Variants in TTN observed in about 807,000 individuals in gnomAD.
The protein encoded by TTN is connectin.
TTN carries 1,525 observed loss-of-function variants against 3,223.0 expected under a neutral mutation model. The observed-to-expected ratio is 0.47, with a 90% CI of 0.45 to 0.49. The LOEUF is 0.49. TTN is among the 20% of genes least tolerant of loss of function. The pLI is 0.00. For missense variants in TTN, 40,786 were observed against 43,424.0 expected (o/e 0.94, Z 5.40); for synonymous variants, 14,094 against 15,161.0 (o/e 0.93, Z 5.17).
chr2:178,736,560 G>A (rs928062742), intron 49 of TTN, among the ~76,000 whole-genome samples: 1 of 152,080 alleles, frequency 6.6e-6, no homozygotes, highest in Admixed American at 6.6e-5. Flanking sequence ...AACTATGAAT[G>A]CATCCTCTAG....
Position 178,601,366 on chromosome 2 carries a change from A to G in TTN, c.55631T>C (p.Leu18544Pro). ...GSTTFVVPDLLSEQQYFFRVR... is the reference protein window; with the variant it reads ...GSTTFVVPDLPSEQQYFFRVR... ...ACGGAAGAAATATTGCTGTTCAGAG[A>G]GGAGATCAGGCACTACAAATGTGGT... Residue 18544 changes from leucine (L) to proline (P), a missense_variant, in exon 287 of 363, where the codon CTC becomes CCC. Coordinates refer to ENST00000589042, the MANE Select transcript of TTN (RefSeq NM_001267550.2). The G allele has an allele frequency of 1.9e-6, 3 of 1,612,644 alleles. No individual in the cohort carries two copies. The East Asian group carries it at 6.7e-5, about 36-fold the overall frequency.
Position 178,733,756 on chromosome 2 carries a change from G to T in TTN, c.15633C>A (p.Asp5211Glu), listed in dbSNP as rs534365478. ...TGGAAAAGCTCATTTTGATTTTTCC[G>T]TCTTCTCTGATGACCTCTTGACCTT... The part of the protein sequence containing the change: ...WMKGQEVIRE[D>E]GKIKMSFSNG... Residue 5211 changes from aspartate to glutamate, a missense_variant, in exon 53 of 363, where the codon GAC becomes GAA. Transcript: ENST00000589042. The T allele has an allele frequency of 6.2e-7, 1 of 1,613,652 alleles. No homozygotes were observed. The highest frequency in any genetic ancestry group is 8.5e-7 in the Non-Finnish European group (1 of 1,179,778).
In TTN at chr2:178,774,341, G is replaced by T. The variant is rs577966527; in HGVS notation, c.6923C>A (p.Ser2308Tyr). 55 of 1,614,048 alleles carry T rather than the reference G, an allele frequency of 3.4e-5. No homozygotes were observed. Among genetic ancestry groups the T allele is most frequent in the Non-Finnish European group, 4.6e-5 (54 of 1,179,972 alleles). ...AGATGTAATTGTATATTTGCCATTG[G>T]ATTTAAGCTCCACATCATTATGATA... ...KWYHNDVELK[S>Y]NGKYTITSRR... The change falls in exon 30 of 363, where the codon TCC becomes TAC. Residue 2308 changes from serine (S) to tyrosine (Y), a missense_variant. Transcript: ENST00000589042.
In TTN at chr2:178,599,540, C is replaced by T. The variant is rs1386494438; in HGVS notation, c.56347+14G>A. The T allele has an allele frequency of 6.5e-7, 1 of 1,531,828 alleles. No homozygotes were observed. The highest frequency in any genetic ancestry group is 8.8e-7 in the Non-Finnish European group (1 of 1,142,198). The allele number at this position is 1,531,828 out of a possible 1,614,324, so 94.9% of individuals were successfully genotyped here. ...GAAAAACAAGTAATTTTAACCAAAC[C>T]ATGCAGTCTTTACCCAGGACATTCA... On this transcript the variant is annotated intron_variant, in intron 289 of 362. Transcript: ENST00000589042.
At chr2:178,671,227 T>G (rs973549543) in intron 155 of TTN, 57 bp from the exon 156 acceptor site, 19 of 1,334,990 alleles carry the variant, frequency 1.4e-5, no homozygotes, top group Non-Finnish European at 2.0e-5. Flanking sequence ...TTTGGAGCAC[T>G]ACTACTAACG....
In TTN at chr2:178,681,410, G is replaced by A; in HGVS notation, c.33213C>T (p.Pro11071=). The change falls in exon 137 of 363, where the codon CCC becomes CCT. Residue 11071 remains proline (P), a synonymous_variant. Transcript: ENST00000589042. ...GTGGAGGTTTGAGTTTCTTAGGAAT[G>A]GGCACTGGTACTTTTTCTTCAGGGA... ...KAVPEEKVPV[P]IPKKLKPPPP... is the part of the protein sequence containing the mutation. 5.6e-6 allele frequency: 9 copies of A among 1,612,330 alleles called. No homozygotes were observed. Among genetic ancestry groups the A allele is most frequent in the Non-Finnish European group, 3.4e-6 (4 of 1,178,970 alleles).
chr2:178,745,004 A>G, intron 47 of TTN: 1 of 985,946 alleles, frequency 1.0e-6, no homozygotes, highest in Non-Finnish European at 1.2e-6. Context: ...TGAAGTTAAT[A>G]TATTAAGATT....
chr2:178,760,725 C>T (rs552663260), intron 43 of TTN, among the ~76,000 whole-genome samples: 33 of 152,136 alleles, frequency 2.2e-4, no homozygotes, highest in Non-Finnish European at 3.8e-4. Flanking sequence ...TGGCACAAGT[C>T]AGTCATTATA....
chr2:178,526,860 G>C lies in TTN; in HGVS notation c.*152C>G. The C allele has an allele frequency of 1.5e-6, 1 of 651,032 alleles. No individual in the cohort carries two copies. The highest frequency in any genetic ancestry group is 2.5e-6 in the Non-Finnish European group (1 of 402,210). 40.3% of individuals were successfully genotyped at this position (651,032 alleles called of 1,614,324 possible). ...ATTCTTAGGTCAACAATTATGAAAA[G>C]ATTGAAATGAATATTTTTGAACTTT... On this transcript the variant is annotated 3_prime_UTR_variant, in exon 363 of 363. Coordinates refer to ENST00000589042, the MANE Select transcript of TTN (RefSeq NM_001267550.2).
At position 178,733,673 on chromosome 2, in the gene TTN, G is replaced by T. The variant is rs756844952; in HGVS notation, c.15716C>A (p.Thr5239Lys). 6.2e-7 allele frequency: 1 copy of T among 1,613,592 alleles called. No homozygotes were observed. Among genetic ancestry groups the T allele is most frequent in the Admixed American group, 1.7e-5 (1 of 59,994 alleles). ...DVQISFGGKY[T>K]CLAENEAGSQ... ...TCCAGCTTCATTTTCAGCCAGGCAC[G>T]TGTATTTGCCTCCAAAACTAATCTG... is the stretch of plus-strand genomic sequence containing the variant. The change falls in exon 53 of 363, where the codon ACG becomes AAG. Residue 5239 changes from threonine to lysine, a missense_variant. Physicochemically the swap from Thr to Lys is moderately conservative, Grantham distance 78. Coordinates refer to ENST00000589042, the MANE Select transcript of TTN (RefSeq NM_001267550.2).
At position 178,547,817 on chromosome 2, in the gene TTN, C is replaced by G. The variant is rs1280335651; in HGVS notation, c.93809G>C (p.Arg31270Thr). The G allele has an allele frequency of 2.5e-6, 4 of 1,613,758 alleles. No homozygotes were observed. Among genetic ancestry groups the G allele is most frequent in the African/African-American group, 1.3e-5 (1 of 74,928 alleles). The part of the protein sequence containing the change: ...DRVSITTTKD[R>T]TTLTVKDSMR... ...GCTGTCCTTTACAGTCAGTGTGGTT[C>G]TGTCTTTTGTTGTTGTAATGCTCAC... is the stretch of plus-strand genomic sequence containing the variant. The change falls in exon 339 of 363, where the codon AGA becomes ACA. Residue 31270 changes from arginine to threonine, a missense_variant. Physicochemically the swap from Arg to Thr is moderately conservative, Grantham distance 71. Coordinates refer to ENST00000589042, the MANE Select transcript of TTN (RefSeq NM_001267550.2).
In TTN at chr2:178,712,039, A is replaced by C; in HGVS notation, c.27791T>G (p.Phe9264Cys). The change falls in exon 96 of 363, where the codon TTC (phenylalanine) becomes TGC (cysteine). Residue 9264 changes from phenylalanine to cysteine, a missense_variant. By Grantham distance (205) the Phe-to-Cys change is radical. Transcript: ENST00000589042. ...HFRNNVATLV[F>C]NQVDINDSGE... Reference sequence around the variant, plus strand: ...ACTATCATTAATATCAACCTGGTTGAAAACCAGTGTAGCAACATTATTCCT... The same window carrying C: ...ACTATCATTAATATCAACCTGGTTGCAAACCAGTGTAGCAACATTATTCCT... 1 of 1,613,826 alleles carries C rather than the reference A, an allele frequency of 6.2e-7. No homozygotes were observed. Among genetic ancestry groups the C allele is most frequent in the Non-Finnish European group, 8.5e-7 (1 of 1,179,768 alleles).
In TTN at chr2:178,722,760, A is replaced by C. The variant is rs1273455014; in HGVS notation, c.22139T>G (p.Leu7380Arg). 6.2e-7 allele frequency: 1 copy of C among 1,613,228 alleles called. No individual in the cohort carries two copies. The highest frequency in any genetic ancestry group is 1.3e-5 in the African/African-American group (1 of 74,910). ...ATTGATGTTCACTTTATTAAAAACA[A>C]GTGTGGCCACATTGTTTGTAAAGTA... ...RTYFTNNVATLVFNKVNINDS... is the reference protein window; with the variant it reads ...RTYFTNNVATRVFNKVNINDS... Residue 7380 changes from leucine to arginine, a missense_variant, in exon 76 of 363, where the codon CTT becomes CGT. Physicochemically the swap from Leu to Arg is moderately radical, Grantham distance 102. Coordinates refer to ENST00000589042, the MANE Select transcript of TTN (RefSeq NM_001267550.2).
In TTN at chr2:178,564,413, C is replaced by A. The variant is rs1704895564; in HGVS notation, c.81719G>T (p.Arg27240Ile). Residue 27240 changes from arginine to isoleucine, a missense_variant, in exon 326 of 363, where the codon AGA becomes ATA. By Grantham distance (97) the Arg-to-Ile change is moderately conservative. Transcript: ENST00000589042. ...TCTTGCAATTACTCTAAATTCATAT[C>A]TTTGGTCTTCTACAAGTCCACTCAC... is the stretch of plus-strand genomic sequence containing the variant. ...FTVSGLVEDQ[R>I]YEFRVIARNA... is the part of the protein sequence containing the mutation. 1.9e-6 allele frequency: 3 copies of A among 1,613,304 alleles called. No individual in the cohort carries two copies. In the East Asian group the frequency reaches 6.7e-5, roughly 36 times the overall value.
chr2:178,530,642 T>C lies in TTN; in HGVS notation c.105973A>G (p.Lys35325Glu). The C allele has an allele frequency of 6.2e-7, 1 of 1,614,032 alleles. No individual in the cohort carries two copies. The highest frequency in any genetic ancestry group is 8.5e-7 in the Non-Finnish European group (1 of 1,179,890). Reference protein sequence around the residue: ...KEVTWYKDGKKLKENGHFQFH... With the variant: ...KEVTWYKDGKELKENGHFQFH... ...TGGAAATGCCCATTTTCCTTCAGTT[T>C]CTTGCCATCTTTATACCAGGTGACC... The change falls in exon 358 of 363, where the codon AAA (lysine) becomes GAA (glutamate). Residue 35325 changes from lysine to glutamate, a missense_variant. Lys to Glu is a moderately conservative substitution (Grantham distance 56, BLOSUM62 1). Transcript: ENST00000589042.
At chr2:178,781,098 A>G (rs755499488) in intron 21 of TTN, 23 bp downstream of exon 21, 1 of 1,613,790 alleles carries the variant, frequency 6.2e-7, no homozygotes, top group Non-Finnish European at 8.5e-7. Context: ...TATCATGCAC[A>G]TAGAAACTGG....
intron 130 of TTN, 63 bp from the exon 131 acceptor site, chr2:178,684,812 C>G: frequency 6.4e-7 from 1 of 1,563,566 alleles, no homozygotes; most frequent in Non-Finnish European, 8.7e-7. Flanking sequence ...CACAGGCACA[C>G]TTATTTTCTG....
At chr2:178,751,861 T>C (rs765641565) in intron 47 of TTN, 3 of 1,609,344 alleles carry the variant, frequency 1.9e-6, no homozygotes, top group East Asian at 2.2e-5. Flanking sequence ...CTAAAACATA[T>C]TTAAATGTAA....
intron 226 of TTN, 28 bp from the exon 227 acceptor site, chr2:178,635,743 G>T (rs915708276): frequency 8.3e-6 from 13 of 1,572,088 alleles, no homozygotes; most frequent in South Asian, 1.2e-5. Context: ...CAGAAAAAAT[G>T]ATTAAGGTCT....
Sources: gnomAD v4.1 joint callset for allele counts (sites outside exome capture counted in the v4.1 genomes callset) on GRCh38, gnomAD v4.1.1 for gene constraint, MANE v1.5 for transcripts, NCBI Gene and HGNC (gene_info 2026-07-23, HGNC 2026-07-21) for gene names.